The following METTL4 variants were observed in gnomAD, a reference collection of about 807,000 sequenced individuals.
The protein encoded by METTL4 is N(6)-adenine-specific methyltransferase METTL4.
METTL4 carries 40 observed loss-of-function variants against 54.0 expected under a neutral mutation model. The observed-to-expected ratio is 0.74, with a 90% confidence interval of 0.58 to 0.96. METTL4 has a LOEUF of 0.96. METTL4 is among the 50% of genes least tolerant of loss of function. The probability of loss-of-function intolerance (pLI) is 0.00; values close to 1 mark genes in which losing one functional copy is unlikely to be tolerated. For synonymous variants in METTL4, 169 were observed against 183.8 expected (o/e 0.92, Z 0.65); for missense variants, 525 against 549.0 (o/e 0.96, Z 0.44).
intron 5 of METTL4, among the ~76,000 whole-genome samples, chr18:2,547,758 T>A (rs1226623568): frequency 6.6e-6 from 1 of 150,904 alleles, no homozygotes; most frequent in Admixed American, 6.6e-5. Context: ...TATTTTTTTT[T>A]AGTCACTTCT....
At chr18:2,557,667 A>G (rs905838493) in intron 3 of METTL4, among the ~76,000 whole-genome samples, 7 of 152,194 alleles carry the variant, frequency 4.6e-5, no homozygotes, top group Admixed American at 3.3e-4. Flanking sequence ...GAATTGCTGC[A>G]TGCATAGGAA....
At chr18:2,549,581 T>G in intron 5 of METTL4, among the ~76,000 whole-genome samples, 1 of 152,112 alleles carries the variant, frequency 6.6e-6, no homozygotes, top group East Asian at 1.9e-4. Flanking sequence ...CCACTATGCC[T>G]ACTCTGAAAA....
intron 7 of METTL4, 99 bp downstream of exon 7, chr18:2,544,554 C>T: frequency 1.2e-6 from 1 of 829,542 alleles, no homozygotes; most frequent in Non-Finnish European, 1.9e-6. Context: ...TTCAGAGTTT[C>T]AAAAACATAA....
At chr18:2,556,119 C>A (rs1447143499) in intron 3 of METTL4, among the ~76,000 whole-genome samples, 1 of 152,150 alleles carries the variant, frequency 6.6e-6, no homozygotes, top group Non-Finnish European at 1.5e-5. Context: ...ACGATCAACA[C>A]ATGCATGGGA....
rs993396428 is a variant in METTL4 at position 2,566,904 on chromosome 18, G to A, written c.313C>T (p.His105Tyr). Residue 105 changes from histidine (H) to tyrosine (Y), a missense_variant, in exon 2 of 9, where the codon CAT becomes TAT. His to Tyr is a moderately conservative substitution (Grantham distance 83). Transcript: ENST00000574538. ...VTKPYITPAVHKECQQSNEKE... is the reference protein window; with the variant it reads ...VTKPYITPAVYKECQQSNEKE... ...TCATTACTTTGCTGGCATTCTTTAT[G>A]AACAGCTGGAGTTATATAAGGTTTG... is the stretch of plus-strand genomic sequence containing the variant. 6.2e-7 allele frequency: 1 copy of A among 1,612,776 alleles called. No homozygotes were observed. The highest frequency in any genetic ancestry group is 1.7e-5 in the Admixed American group (1 of 59,912).
At chr18:2,559,611 T>G (rs750255647) in intron 3 of METTL4, among the ~76,000 whole-genome samples, 1 of 152,180 alleles carries the variant, frequency 6.6e-6, no homozygotes, top group African/African-American at 2.4e-5. Flanking sequence ...AACCACAAAT[T>G]ACTAATAAAA....
rs2071932401 is a variant in METTL4 at position 2,537,765 on chromosome 18, T to G, written c.*1235A>C. On this transcript the variant is annotated 3_prime_UTR_variant, in exon 9 of 9. Transcript: ENST00000574538. ...TAAATATTTGTCAACAATCTGTAAA[T>G]AGTATAAATGCTTTTCTCAAAATGC... 2.5e-6 allele frequency: 1 copy of G among 397,542 alleles called. No individual in the cohort carries two copies. The highest frequency in any genetic ancestry group is 1.3e-4 in the South Asian group (1 of 7,620). 24.6% of individuals were successfully genotyped at this position (397,542 alleles called of 1,614,324 possible).
In METTL4 at chr18:2,537,590, C is replaced by T. The variant is rs1047363; in HGVS notation, c.*1410G>A. ...CCTTTTAAATAACAAGTTAGAATAG[C>T]TCCATAAATACAAAATTAAGCCTCT... On this transcript the variant is annotated 3_prime_UTR_variant, in exon 9 of 9. Coordinates refer to ENST00000574538, the MANE Select transcript of METTL4 (RefSeq NM_022840.5). 21,164 of 297,836 alleles carry T rather than the reference C, an allele frequency of 0.071. 1,224 individuals are homozygous for T. The highest frequency in any genetic ancestry group is 0.19 in the African/African-American group (8,618 of 46,524). 18.4% of individuals were successfully genotyped at this position (297,836 alleles called of 1,614,324 possible). A position where few individuals can be genotyped will look rare whatever the true frequency, so the allele number is the denominator to read the frequency against.
At position 2,544,732 on chromosome 18, in the gene METTL4, G is replaced by C. The variant is rs745382936; in HGVS notation, c.1102C>G (p.Pro368Ala). The change falls in exon 7 of 9, where the codon CCA (proline) becomes GCA (alanine). Residue 368 changes from proline (P) to alanine (A), a missense_variant. Transcript: ENST00000574538. ...GGCTTTTTGTGTGGAGAATCTAATG[G>C]GAACACAAATTCTCCTGAATTGGTT... ...KITNSGEFVF[P>A]LDSPHKKPYE... The C allele has an allele frequency of 1.2e-6, 2 of 1,612,534 alleles. No homozygotes were observed. The highest frequency in any genetic ancestry group is 2.2e-5 in the South Asian group (2 of 90,950).
At chr18:2,557,475 T>A (rs2072255995) in intron 3 of METTL4, among the ~76,000 whole-genome samples, 1 of 151,978 alleles carries the variant, frequency 6.6e-6, no homozygotes, top group Non-Finnish European at 1.5e-5. Context: ...CCAGAAAAAA[T>A]TTCCAAGGAT....
chr18:2,541,493 A>G (rs1214532198), intron 8 of METTL4, among the ~76,000 whole-genome samples: 1 of 152,232 alleles, frequency 6.6e-6, no homozygotes, highest in Admixed American at 6.5e-5. Flanking sequence ...AAAGCAGTAA[A>G]AAGAAGTGGA....
intron 3 of METTL4, among the ~76,000 whole-genome samples, chr18:2,559,838 C>A (rs780699047): frequency 2.2e-4 from 34 of 152,200 alleles, no homozygotes; most frequent in Non-Finnish European, 4.1e-4. Flanking sequence ...CAGGTTCCAA[C>A]AATTCTCCTC....
intron 5 of METTL4, among the ~76,000 whole-genome samples, chr18:2,551,073 A>G (rs954806215): frequency 2.0e-5 from 3 of 148,820 alleles, no homozygotes; most frequent in Admixed American, 2.0e-4. Flanking sequence ...CTGAGGCAGG[A>G]GAATGGCGTG....
chr18:2,567,048 C>T lies in METTL4; in HGVS notation c.169G>A (p.Gly57Arg). 1 of 1,614,108 alleles carries T rather than the reference C, an allele frequency of 6.2e-7. No homozygotes were observed. The highest frequency in any genetic ancestry group is 2.2e-5 in the East Asian group (1 of 44,870). The part of the protein sequence containing the change: ...SLQMDSVSSS[G>R]VCAAFIASDS... ...GAAGCAATAAATGCAGCACAGACTC[C>T]AGAGGAGGACACAGAATCCATTTGA... The change falls in exon 2 of 9, where the codon GGA becomes AGA. Residue 57 changes from glycine (G) to arginine (R), a missense_variant. Gly to Arg is a moderately radical substitution (Grantham distance 125). Transcript: ENST00000574538.
At position 2,538,903 on chromosome 18, in the gene METTL4, G is replaced by A. The variant is rs151201731; in HGVS notation, c.*97C>T. On this transcript the variant is annotated 3_prime_UTR_variant, in exon 9 of 9. Coordinates refer to ENST00000574538, the MANE Select transcript of METTL4 (RefSeq NM_022840.5). The stretch of plus-strand genomic sequence containing the variant: ...AAAACAAGTCCTGTTTATATTCTAA[G>A]AATATGGGTTGGTAACAAAATAAAA... The A allele has an allele frequency of 1.7e-5, 23 of 1,352,712 alleles. No homozygotes were observed. In the Middle Eastern group the frequency reaches 2.2e-3, roughly 132 times the overall value. 83.8% of individuals were successfully genotyped at this position (1,352,712 alleles called of 1,614,324 possible).
rs1464418923 is a variant in METTL4, at chr18:2,566,872, T to C, written c.345A>G (p.Glu115=). 6.2e-7 allele frequency: 1 copy of C among 1,609,798 alleles called. No individual in the cohort carries two copies. Among genetic ancestry groups the C allele is most frequent in the Admixed American group, 1.7e-5 (1 of 59,612 alleles). The change falls in exon 2 of 9, where the codon GAA becomes GAG. Residue 115 remains glutamate, a synonymous_variant. Transcript: ENST00000574538. ...HKECQQSNEK[E]DLMNGVKKEI... ...CTTTTTTAACACCATTCATCAGATC[T>C]TCCTTTTCATTACTTTGCTGGCATT...
chr18:2,549,239 T>C (rs1322694231), intron 5 of METTL4, among the ~76,000 whole-genome samples: 1 of 152,244 alleles, frequency 6.6e-6, no homozygotes, highest in Non-Finnish European at 1.5e-5. Flanking sequence ...TGTATTCTCT[T>C]AGTCCCATAT....
intron 4 of METTL4, 87 bp downstream of exon 4, chr18:2,554,582 C>T: frequency 8.3e-7 from 1 of 1,208,576 alleles, no homozygotes; most frequent in South Asian, 1.3e-5. Flanking sequence ...TAAATGCTGA[C>T]CCATCTTCAA....
At chr18:2,563,676 T>G in intron 3 of METTL4, 121 bp downstream of exon 3, 1 of 596,430 alleles carries the variant, frequency 1.7e-6, no homozygotes, top group Admixed American at 3.2e-5. Context: ...ATATATTAAG[T>G]GCTAAGCCTG....
Sources: allele counts gnomAD v4.1 joint callset (sites outside exome capture counted in the v4.1 genomes callset), GRCh38; gene constraint gnomAD v4.1.1; transcripts MANE v1.5; gene names NCBI Gene and HGNC (gene_info 2026-07-23, HGNC 2026-07-21).